PVR: variants seen among roughly 807,000 people sequenced by gnomAD.
PVR encodes the protein PVR cell adhesion molecule, also known as poliovirus receptor.
A neutral mutation model predicts 43.3 loss-of-function variants in PVR; 39 were observed. The ratio of observed to expected loss-of-function variants is 0.90; its 90% CI spans 0.70 to 1.18. PVR has a LOEUF of 1.18. Ranked by LOEUF, PVR falls within the 50% of genes most tolerant of loss-of-function variation. The probability of loss-of-function intolerance (pLI) is 0.00; values close to 1 mark genes in which losing one functional copy is unlikely to be tolerated. For synonymous variants in PVR, 224 were observed against 233.2 expected (o/e 0.96, Z 0.36); for missense variants, 480 against 549.7 (o/e 0.87, Z 1.27).
chr19:44,647,106 CGGGGATCCAGGG>C, intron 1 of PVR, 105 bp from the exon 2 acceptor site: 15 of 663,904 alleles, frequency 2.3e-5, no homozygotes, highest in South Asian at 6.0e-5. Context: ...CACGGTCCAC[CGGGGATCCAGGG>C]CCCCAGCGTG....
rs1184425116 is a variant in PVR at position 44,654,018 on chromosome 19, G to C, written c.842+1G>C. 6.2e-7 allele frequency: 1 copy of C among 1,608,120 alleles called. No homozygotes were observed. The highest frequency in any genetic ancestry group is 1.7e-5 in the Admixed American group (1 of 60,014). ...AGCCCACAGGCTATAATTGGAGCAC[G>C]TGAGTCCTGGGTCTCAGGGAGGAGG... On this transcript the variant is annotated splice_donor_variant, in intron 4 of 7. Coordinates refer to ENST00000425690, the MANE Select transcript of PVR (RefSeq NM_006505.5). LOFTEE classifies it high-confidence loss of function.
chr19:44,644,227 A>C (rs1489502329), intron 1 of PVR, 52 bp downstream of exon 1: 1 of 1,394,506 alleles, frequency 7.2e-7, no homozygotes, highest in Non-Finnish European at 9.4e-7. Context: ...CCAGCTCCGC[A>C]TCCAGGCCGG....
At chr19:44,655,495 C>T (rs1196244983) in intron 4 of PVR, among the ~76,000 whole-genome samples, 1 of 152,178 alleles carries the variant, frequency 6.6e-6, no homozygotes, top group East Asian at 1.9e-4. Flanking sequence ...TTCAAGTGTA[C>T]CCAGCCACCT....
chr19:44,653,201 A>G (rs966823183), intron 3 of PVR, among the ~76,000 whole-genome samples: 1 of 152,124 alleles, frequency 6.6e-6, no homozygotes, highest in Non-Finnish European at 1.5e-5. Flanking sequence ...ATCTGCTGTA[A>G]TATTCCAACA....
chr19:44,653,917 A>G lies in PVR; in HGVS notation c.742A>G (p.Ile248Val), dbSNP rs1599767272. ...TCCTGCAGACCCCCCAGAGGTATCC[A>G]TCTCTGGCTATGATAACAACTGGTA... ...LTVYYPPEVS[I>V]SGYDNNWYLG... Residue 248 changes from isoleucine to valine, a missense_variant, in exon 4 of 8, where the codon ATC (isoleucine) becomes GTC (valine). Physicochemically the swap from Ile to Val is conservative, Grantham distance 29 (BLOSUM62 3). Coordinates refer to ENST00000425690, the MANE Select transcript of PVR (RefSeq NM_006505.5). 1.2e-6 allele frequency: 2 copies of G among 1,613,806 alleles called. No homozygotes were observed. The highest frequency in any genetic ancestry group is 4.5e-5 in the East Asian group (2 of 44,880).
At chr19:44,652,308 T>G (rs1458499088) in intron 3 of PVR, among the ~76,000 whole-genome samples, 1 of 152,048 alleles carries the variant, frequency 6.6e-6, no homozygotes, top group Admixed American at 6.6e-5. Flanking sequence ...TCCTCCCACC[T>G]CAGCCTCAGT....
intron 4 of PVR, among the ~76,000 whole-genome samples, chr19:44,655,380 C>T (rs115481833): frequency 0.029 from 4,346 of 152,308 alleles, 212 homozygotes; most frequent in African/African-American, 0.099. Context: ...TGAGCCACCT[C>T]GCCCAGCCTT....
At position 44,661,341 on chromosome 19, in the gene PVR, G is replaced by A. The variant is rs925818883; in HGVS notation, c.1182+18G>A. 2.5e-6 allele frequency: 4 copies of A among 1,613,122 alleles called. No homozygotes were observed. In the Admixed American group the frequency reaches 6.7e-5, roughly 27 times the overall value. On this transcript the variant is annotated intron_variant, in intron 7 of 7. Transcript: ENST00000425690. ...CTAATGGGGTAAGTGCAGTGTTGGA[G>A]CTAAGGAGGGTGTGGGGTCTGCACG...
rs1027586566 is a variant in PVR at position 44,665,014 on chromosome 19, G to A, written c.*3203G>A. On this transcript the variant is annotated 3_prime_UTR_variant, in exon 8 of 8. Transcript: ENST00000425690. ...TTCTGTTCCCACCAGCGACGTAGGC[G>A]ATGACCTTTTTCTGGAGGGAGGGGG... is the stretch of plus-strand genomic sequence containing the variant. 16 of 152,266 alleles carry A rather than the reference G, an allele frequency of 1.1e-4. No individual in the cohort carries two copies. Among genetic ancestry groups the A allele is most frequent in the Middle Eastern group, 3.4e-3 (1 of 294 alleles). The allele number at this position is 152,266 out of a possible 1,614,324, so 9.4% of individuals were successfully genotyped here.
rs1386313704 is a variant in PVR, at chr19:44,664,839, C to G, written c.*3028C>G. The G allele has an allele frequency of 6.6e-6, 1 of 152,040 alleles. No individual in the cohort carries two copies. Among genetic ancestry groups the G allele is most frequent in the Non-Finnish European group, 1.5e-5 (1 of 68,020 alleles). The allele number at this position is 152,040 out of a possible 1,614,324, so 9.4% of individuals were successfully genotyped here. On this transcript the variant is annotated 3_prime_UTR_variant, in exon 8 of 8. Coordinates refer to ENST00000425690, the MANE Select transcript of PVR (RefSeq NM_006505.5). ...ACTGGGATTTATAGGCATAAGCCACCGTGCCTGGCCAATGCACACTGTCAT... is the reference window on the plus strand; with the variant it reads ...ACTGGGATTTATAGGCATAAGCCACGGTGCCTGGCCAATGCACACTGTCAT...
At chr19:44,658,519 A>G (rs1015807141) in intron 5 of PVR, among the ~76,000 whole-genome samples, 2 of 152,194 alleles carry the variant, frequency 1.3e-5, no homozygotes, top group South Asian at 2.1e-4. Context: ...CAGCCCACCT[A>G]TGAACCAATC....
At position 44,663,749 on chromosome 19, in the gene PVR, T is replaced by A. The variant is rs1973643024; in HGVS notation, c.*1938T>A. Among the ~76,000 whole-genome samples, 1 of 151,938 alleles carries A rather than the reference T, an allele frequency of 6.6e-6. No homozygotes were observed. The highest frequency in any genetic ancestry group is 2.4e-5 in the African/African-American group (1 of 41,378). On this transcript the variant is annotated 3_prime_UTR_variant, in exon 8 of 8. Transcript: ENST00000425690. The stretch of plus-strand genomic sequence containing the variant: ...ACCTTAGGAACAGCTTGTCTTTTTT[T>A]TTTTCCTCTCCAAAAAAAATGTTTA...
At chr19:44,646,357 A>G (rs1973113621) in intron 1 of PVR, among the ~76,000 whole-genome samples, 1 of 152,136 alleles carries the variant, frequency 6.6e-6, no homozygotes, top group South Asian at 2.1e-4. Context: ...CATGGATTTG[A>G]AGACCCAAGA....
At position 44,662,195 on chromosome 19, in the gene PVR, A is replaced by ATTTTTT; in HGVS notation, c.*384_*385insTTTTTT. On this transcript the variant is annotated 3_prime_UTR_variant, in exon 8 of 8. Coordinates refer to ENST00000425690, the MANE Select transcript of PVR (RefSeq NM_006505.5). ...CTGATTCTCACAGCAACATGTGACA[A>ATTTTTT]CATGCAAGAAGTACTGCCAATACTG... is the stretch of plus-strand genomic sequence containing the variant. 2 of 227,072 alleles carry ATTTTTT rather than the reference A, an allele frequency of 8.8e-6. No individual in the cohort carries two copies. The highest frequency in any genetic ancestry group is 4.9e-5 in the Admixed American group (1 of 20,610). The allele number at this position is 227,072 out of a possible 1,614,324, so 14.1% of individuals were successfully genotyped here.
chr19:44,659,729 G>A (rs757241639), intron 6 of PVR, among the ~76,000 whole-genome samples: 17 of 152,214 alleles, frequency 1.1e-4, no homozygotes, highest in African/African-American at 3.4e-4. Flanking sequence ...TGATCCACCC[G>A]CCTCAGCCTC....
chr19:44,665,404 T>G lies in PVR; in HGVS notation c.*3593T>G, dbSNP rs1201648271. On this transcript the variant is annotated 3_prime_UTR_variant, in exon 8 of 8. Coordinates refer to ENST00000425690, the MANE Select transcript of PVR (RefSeq NM_006505.5). The stretch of plus-strand genomic sequence containing the variant: ...GCTCACGCCTGTAATCCCAGCACTT[T>G]GGGAGGCTGCAGCGGGTGGATCACT... 6.6e-6 allele frequency: 1 copy of G among 152,094 alleles called. No individual in the cohort carries two copies. Among genetic ancestry groups the G allele is most frequent in the Non-Finnish European group, 1.5e-5 (1 of 68,064 alleles). The allele number at this position is 152,094 out of a possible 1,614,324, so 9.4% of individuals were successfully genotyped here. A position where few individuals can be genotyped will look rare whatever the true frequency, so the allele number is the denominator to read the frequency against.
At chr19:44,646,718 G>A (rs1973124044) in intron 1 of PVR, among the ~76,000 whole-genome samples, 1 of 152,100 alleles carries the variant, frequency 6.6e-6, no homozygotes, top group Admixed American at 6.6e-5. Context: ...CTTGCAGTGA[G>A]CAGAGATCGC....
rs1236023802 is a variant in PVR, at chr19:44,652,104, C to T, written c.725-1796C>T. 7.2e-5 allele frequency among the ~76,000 whole-genome samples: 11 copies of T among 152,108 alleles called. No individual in the cohort carries two copies. The East Asian group carries it at 7.7e-4, about 11-fold the overall frequency. On this transcript the variant is annotated intron_variant, in intron 3 of 7. Transcript: ENST00000425690. ...CCTGGGAGGCGGAGATTGCAATGAGCGAGATTACGCCATTGCACTCCAGCC... is the reference window on the plus strand; with the variant it reads ...CCTGGGAGGCGGAGATTGCAATGAGTGAGATTACGCCATTGCACTCCAGCC...
At chr19:44,652,855 A>G (rs2123758145) in intron 3 of PVR, among the ~76,000 whole-genome samples, 1 of 152,288 alleles carries the variant, frequency 6.6e-6, no homozygotes, top group East Asian at 1.9e-4. Context: ...AACCCAATAT[A>G]CCTAAAATAT....
Sources: gnomAD v4.1 joint callset for allele counts (sites outside exome capture counted in the v4.1 genomes callset) on GRCh38, gnomAD v4.1.1 for gene constraint, MANE v1.5 for transcripts, NCBI Gene and HGNC (gene_info 2026-07-23, HGNC 2026-07-21) for gene names.